Variants in PCDH15 observed in about 807,000 individuals in gnomAD.
PCDH15 encodes protocadherin-15.
Under a neutral mutation model 178.5 loss-of-function variants are expected in PCDH15, and 129 were observed. That is an observed-to-expected ratio of 0.72 (90% CI 0.63 to 0.84). PCDH15 has a LOEUF of 0.84. Among genes scored for constraint, PCDH15 ranks in the 40% least tolerant of loss-of-function variants. The pLI, the probability that PCDH15 is intolerant of heterozygous loss-of-function variation, is 0.00. For missense variants in PCDH15, 2,230 were observed against 2,099.9 expected (o/e 1.06, Z -1.21); for synonymous variants, 800 against 732.0 (o/e 1.09, Z -1.50).
chr10:54,170,094 C>G (rs11004117), intron 13 of PCDH15, among the ~76,000 whole-genome samples: 63,215 of 100,544 alleles, frequency 0.63, 21,406 homozygotes, highest in Middle Eastern at 0.74. Context: ...TCAAGCTCAG[C>G]AAATTACCTA....
chr10:55,346,659 G>A (rs757085235), intron 2 of PCDH15, among the ~76,000 whole-genome samples: 14 of 150,210 alleles, frequency 9.3e-5, no homozygotes, highest in South Asian at 2.1e-4. Flanking sequence ...TGCAATATGC[G>A]TTAAACTAAG....
rs73257724 is a variant in PCDH15 at position 55,409,923 on chromosome 10, G to T, written c.-156+217702C>A. Reference sequence around the variant, plus strand: ...CCAATCATGATAGGAACTAAGAACTGAAGGCTATAATTAACTCAACTCTCT... The same window carrying T: ...CCAATCATGATAGGAACTAAGAACTTAAGGCTATAATTAACTCAACTCTCT... On this transcript the variant is annotated intron_variant, in intron 2 of 5. Transcript: ENST00000613346. Among the ~76,000 whole-genome samples, 1,023 of 152,230 alleles carry T rather than the reference G, an allele frequency of 6.7e-3. 18 individuals are homozygous for T. Among genetic ancestry groups the T allele is most frequent in the African/African-American group, 0.023 (969 of 41,540 alleles).
At chr10:54,793,777 A>T (rs115483745) in intron 1 of PCDH15, among the ~76,000 whole-genome samples, 6,025 of 148,890 alleles carry the variant, frequency 0.04, 352 homozygotes, top group African/African-American at 0.14. Context: ...ATAAAAAATG[A>T]GCTGATGGTA....
intron 2 of PCDH15, among the ~76,000 whole-genome samples, chr10:55,390,910 G>A (rs1306453208): frequency 1.3e-5 from 2 of 152,158 alleles, no homozygotes; most frequent in Non-Finnish European, 2.9e-5. Flanking sequence ...ACAGAGCACA[G>A]GTGTAGCAGA....
Position 55,001,644 on chromosome 10 carries a change from T to G in PCDH15, c.-79-104144A>C, listed in dbSNP as rs545337444. ...CTTGGCTGTGTACAGTGGTAAGACC[T>G]CATGCTCACTCACTCACACACCCCT... On this transcript the variant is annotated intron_variant, in intron 2 of 5. Transcript: ENST00000458638. Among the ~76,000 whole-genome samples, 13 of 152,210 alleles carry G rather than the reference T, an allele frequency of 8.5e-5. No individual in the cohort carries two copies. The East Asian group carries it at 2.5e-3, about 30-fold the overall frequency.
At chr10:53,845,738 T>C (rs980284422) in intron 28 of PCDH15, among the ~76,000 whole-genome samples, 2 of 151,680 alleles carry the variant, frequency 1.3e-5, no homozygotes, top group Non-Finnish European at 3.0e-5. Flanking sequence ...AAGATGGGGA[T>C]AATGATAAAA....
At chr10:55,211,855 A>G (rs566429745) in intron 1 of PCDH15, among the ~76,000 whole-genome samples, 6 of 152,258 alleles carry the variant, frequency 3.9e-5, no homozygotes, top group African/African-American at 1.4e-4. Flanking sequence ...ATGATACAGA[A>G]GGTAGAAAGA....
chr10:54,667,703 C>T (rs1351021846), intron 1 of PCDH15, among the ~76,000 whole-genome samples: 1 of 151,994 alleles, frequency 6.6e-6, no homozygotes, highest in Admixed American at 6.6e-5. Flanking sequence ...ATATATTTTT[C>T]CTACAGAATT....
intron 3 of PCDH15, among the ~76,000 whole-genome samples, chr10:54,487,825 A>T (rs1000494207): frequency 8.6e-5 from 13 of 152,028 alleles, no homozygotes; most frequent in Non-Finnish European, 1.2e-4. Context: ...CCCAGATAGT[A>T]AAGGAACTAA....
intron 15 of PCDH15, among the ~76,000 whole-genome samples, chr10:54,112,291 C>T (rs138449380): frequency 6.6e-6 from 1 of 152,088 alleles, no homozygotes; most frequent in Non-Finnish European, 1.5e-5. Context: ...ATTTCCTGTG[C>T]ATTTAGGGTG....
intron 1 of PCDH15, among the ~76,000 whole-genome samples, chr10:55,287,686 T>G (rs1356176022): frequency 6.6e-6 from 1 of 152,036 alleles, no homozygotes; most frequent in Non-Finnish European, 1.5e-5. Context: ...TGTGTGTGTA[T>G]GTGTGTGTTT....
At position 54,421,912 on chromosome 10, in the gene PCDH15, C is replaced by T. The variant is rs1371050491; in HGVS notation, c.158-42970G>A. ...CACACACACTATATATATATATACACTATATATATATATACACTATATATA... is the reference window on the plus strand; with the variant it reads ...CACACACACTATATATATATATACATTATATATATATATACACTATATATA... On this transcript the variant is annotated intron_variant, in intron 3 of 37. Coordinates refer to ENST00000644397, the MANE Select transcript of PCDH15 (RefSeq NM_001384140.1). Among the ~76,000 whole-genome samples the T allele has an allele frequency of 6.1e-5, 6 of 99,018 alleles. 2 individuals are homozygous for T. Among genetic ancestry groups the T allele is most frequent in the African/African-American group, 2.7e-4 (6 of 21,832 alleles). The allele number at this position is 99,018 out of a possible 152,430, so 65.0% of individuals were successfully genotyped here.
At chr10:54,094,789 G>A (rs2094669382) in intron 15 of PCDH15, among the ~76,000 whole-genome samples, 1 of 151,986 alleles carries the variant, frequency 6.6e-6, no homozygotes, top group South Asian at 2.1e-4. Context: ...AAGAACAAAT[G>A]ATTCCTTTAA....
At chr10:54,214,597 T>C (rs543784096) in intron 9 of PCDH15, among the ~76,000 whole-genome samples, 233 of 152,274 alleles carry the variant, frequency 1.5e-3, no homozygotes, top group African/African-American at 5.2e-3. Context: ...TATTTATTTA[T>C]GTATTTATTT....
At chr10:54,902,578 T>C (rs972159180) in intron 2 of PCDH15, among the ~76,000 whole-genome samples, 1 of 152,200 alleles carries the variant, frequency 6.6e-6, no homozygotes, top group African/African-American at 2.4e-5. Flanking sequence ...TGTGGAACTG[T>C]GAGTCAATTA....
chr10:54,911,030 A>AC (rs1162418215), intron 2 of PCDH15, among the ~76,000 whole-genome samples: 2 of 152,228 alleles, frequency 1.3e-5, no homozygotes, highest in African/African-American at 4.8e-5. Context: ...AAGATGGTTG[A>AC]CAAGAATGGA....
upstream of PCDH15, among the ~76,000 whole-genome samples, chr10:55,321,445 T>C (rs1172100308): frequency 6.6e-6 from 1 of 152,128 alleles, no homozygotes; most frequent in African/African-American, 2.4e-5. Flanking sequence ...TATTGAAGAC[T>C]GGAGAATTTA....
At chr10:55,578,129 CCT>C (rs1278416515) in intron 2 of PCDH15, among the ~76,000 whole-genome samples, 3 of 151,964 alleles carry the variant, frequency 2.0e-5, no homozygotes, top group Non-Finnish European at 4.4e-5. Flanking sequence ...TTTTAAATTG[CCT>C]CTTTGTCTAA....
intron 3 of PCDH15, among the ~76,000 whole-genome samples, chr10:54,383,660 T>C (rs1482202922): frequency 6.6e-6 from 1 of 150,834 alleles, no homozygotes; most frequent in African/African-American, 2.4e-5. Flanking sequence ...TGTGTGTGTG[T>C]GTGTTTCAAC....
Sources: allele counts gnomAD v4.1 joint callset (sites outside exome capture counted in the v4.1 genomes callset), GRCh38; gene constraint gnomAD v4.1.1; transcripts MANE v1.5; gene names NCBI Gene and HGNC (gene_info 2026-07-23, HGNC 2026-07-21).